The following DHX34 variants were observed in gnomAD, a reference collection of about 807,000 sequenced individuals.
The protein encoded by DHX34 is DExH-box helicase 34, also known as probable ATP-dependent RNA helicase DHX34.
In DHX34, 96 loss-of-function variants were observed where a neutral mutation model predicts 111.1. That is an observed-to-expected ratio of 0.86 (90% CI 0.73 to 1.02). The LOEUF is 1.02. DHX34 is among the 50% of genes least tolerant of loss of function. The pLI is 0.00. For synonymous variants in DHX34, 688 were observed against 670.4 expected (o/e 1.03, Z -0.41); for missense variants, 1,560 against 1,579.9 (o/e 0.99, Z 0.21).
At chr19:47,363,713 G>C (rs1969702570) in intron 6 of DHX34, among the ~76,000 whole-genome samples, 1 of 151,814 alleles carries the variant, frequency 6.6e-6, no homozygotes, top group Non-Finnish European at 1.5e-5. Flanking sequence ...GGCTATTTGG[G>C]AGGCTGAGGC....
At chr19:47,379,077 C>G (rs776223652) in intron 13 of DHX34, among the ~76,000 whole-genome samples, 1 of 151,580 alleles carries the variant, frequency 6.6e-6, no homozygotes, top group Non-Finnish European at 1.5e-5. Flanking sequence ...TGCAGTGAGC[C>G]AAGATTGCGC....
At chr19:47,379,460 C>G (rs935836828) in intron 13 of DHX34, 1 of 310,074 alleles carries the variant, frequency 3.2e-6, no homozygotes, top group African/African-American at 2.3e-5. Flanking sequence ...ATGCAGCTGT[C>G]TCTCTCCCAG....
intron 6 of DHX34, among the ~76,000 whole-genome samples, chr19:47,365,173 T>TA (rs1030611688): frequency 2.6e-5 from 4 of 152,162 alleles, no homozygotes; most frequent in South Asian, 2.1e-4. Flanking sequence ...CTGGAGAATT[T>TA]AAAAAAACCC....
rs867847295 is a variant in DHX34, at chr19:47,362,581, G to A, written c.1481G>A (p.Arg494His). 1 of 1,613,422 alleles carries A rather than the reference G, an allele frequency of 6.2e-7. No individual in the cohort carries two copies. The highest frequency in any genetic ancestry group is 8.5e-7 in the Non-Finnish European group (1 of 1,179,782). Residue 494 changes from arginine to histidine, a missense_variant, in exon 6 of 17, where the codon CGC becomes CAC. Coordinates refer to ENST00000328771, the MANE Select transcript of DHX34 (RefSeq NM_014681.6). ...GAGCAGCGGAAGGGCCGGGCGGGCC[G>A]CACGGGCCCCGGAGTCTGCTTCCGC... The part of the protein sequence containing the change: ...SAEQRKGRAG[R>H]TGPGVCFRLY...
intron 13 of DHX34, among the ~76,000 whole-genome samples, chr19:47,377,816 A>AT (rs1204090822): frequency 6.6e-6 from 1 of 151,738 alleles, no homozygotes; most frequent in Non-Finnish European, 1.5e-5. Flanking sequence ...GAGGGAGAGG[A>AT]GGGTGCTGCC....
intron 3 of DHX34, among the ~76,000 whole-genome samples, chr19:47,356,063 T>C (rs1969449222): frequency 6.6e-6 from 1 of 152,156 alleles, no homozygotes; most frequent in African/African-American, 2.4e-5. Context: ...TAATTCCTTG[T>C]CGTGGGGGCT....
Position 47,375,998 on chromosome 19 carries a change from C to A in DHX34, c.2382C>A (p.Arg794=). ...AAASSAQDLS[R]EQLALLKLVL... is the part of the protein sequence containing the mutation. ...CCAGCTCAGCCCAGGACCTGAGCCG[C>A]GAGCAGCTGGCTCTGCTGAAGCTGG... Residue 794 remains arginine, a synonymous_variant, in exon 11 of 17, where the codon CGC becomes CGA. Transcript: ENST00000328771. 3.7e-6 allele frequency: 6 copies of A among 1,605,500 alleles called. No homozygotes were observed. Among genetic ancestry groups the A allele is most frequent in the Non-Finnish European group, 5.1e-6 (6 of 1,177,662 alleles).
intron 4 of DHX34, among the ~76,000 whole-genome samples, chr19:47,359,005 C>T (rs1969545077): frequency 6.6e-6 from 1 of 152,180 alleles, no homozygotes; most frequent in African/African-American, 2.4e-5. Context: ...AGCGATCCTC[C>T]CCTAGTGGGG....
intron 7 of DHX34, among the ~76,000 whole-genome samples, chr19:47,370,382 CTT>C (rs2122304396): frequency 6.6e-6 from 1 of 152,330 alleles, no homozygotes; most frequent in African/African-American, 2.4e-5. Flanking sequence ...GCACCCCTCT[CTT>C]GCGGGCTCAA....
chr19:47,372,644 G>A, intron 7 of DHX34, 86 bp from the exon 8 acceptor site: 2 of 1,286,016 alleles, frequency 1.6e-6, no homozygotes, highest in Non-Finnish European at 2.0e-6. Context: ...AGGAGGGCAG[G>A]CGGGAGGGCA....
chr19:47,379,473 C>T (rs1296969897), intron 13 of DHX34: 7 of 423,510 alleles, frequency 1.7e-5, no homozygotes, highest in East Asian at 3.2e-4. Flanking sequence ...TCTCCCAGCA[C>T]GCTCCCATCT....
Position 47,360,027 on chromosome 19 carries a change from G to GAC in DHX34, c.1333_1334dup (p.Ser446ProfsTer11), listed in dbSNP as rs1568396988. The GAC allele has an allele frequency of 6.2e-7, 1 of 1,613,908 alleles. No individual in the cohort carries two copies. Among genetic ancestry groups the GAC allele is most frequent in the African/African-American group, 1.3e-5 (1 of 74,876 alleles). ...GCATCCTCTCCACCAACATTGCTGAGACCTCAGTCACCATTGACGGGATCC... is the reference window on the plus strand; with the variant it reads ...GCATCCTCTCCACCAACATTGCTGAGACACCTCAGTCACCATTGACGGGATCC... On this transcript the variant is annotated frameshift_variant, in exon 5 of 17. Coordinates refer to ENST00000328771, the MANE Select transcript of DHX34 (RefSeq NM_014681.6). LOFTEE classifies it high-confidence loss of function.
chr19:47,376,984 C>T, intron 12 of DHX34, 116 bp from the exon 13 acceptor site: 1 of 1,563,480 alleles, frequency 6.4e-7, no homozygotes, highest in Non-Finnish European at 8.6e-7. Context: ...CCACCAAAGC[C>T]ATGCCGTAAG....
At chr19:47,381,404 C>CA in intron 16 of DHX34, 80 bp downstream of exon 16, 1 of 1,541,692 alleles carries the variant, frequency 6.5e-7, no homozygotes, top group South Asian at 1.2e-5. Context: ...TGCGTGTGAG[C>CA]ACTTGCTAGA....
rs1274028340 is a variant in DHX34, at chr19:47,358,060, C to T, written c.1212C>T (p.His404=). ...AGGCTGCCCAGACCTATGCCAGCCA[C>T]ACCCAGCGCTGGGTGGTACTGCCAC... is the stretch of plus-strand genomic sequence containing the variant. ...VLEAAQTYAS[H]TQRWVVLPLH... The change falls in exon 4 of 17, where the codon CAC becomes CAT. Residue 404 remains histidine (H), a synonymous_variant. Transcript: ENST00000328771. 6.8e-6 allele frequency: 11 copies of T among 1,613,296 alleles called. No homozygotes were observed. The highest frequency in any genetic ancestry group is 9.3e-6 in the Non-Finnish European group (11 of 1,179,924).
intron 7 of DHX34, among the ~76,000 whole-genome samples, chr19:47,368,639 TACACACACACACACACACAC>T (rs533434183): frequency 0.021 from 3,045 of 145,742 alleles, 44 homozygotes; most frequent in Middle Eastern, 0.043. Flanking sequence ...TGTATATATA[TACACACACACACACACACAC>T]ACATACACAC....
At chr19:47,380,014 C>A in intron 14 of DHX34, 29 bp downstream of exon 14, 1 of 1,551,216 alleles carries the variant, frequency 6.4e-7, no homozygotes, top group Non-Finnish European at 8.8e-7. Context: ...CCCGTGCCTC[C>A]CTATGGCCAG....
chr19:47,362,431 G>T (rs761458651), intron 5 of DHX34, 45 bp from the exon 6 acceptor site: 10 of 1,473,346 alleles, frequency 6.8e-6, no homozygotes, highest in African/African-American at 4.3e-5. Flanking sequence ...CCAGCTGCAC[G>T]TGGCTGCCAC....
intron 3 of DHX34, among the ~76,000 whole-genome samples, chr19:47,356,421 G>A (rs1250513857): frequency 6.6e-6 from 1 of 152,024 alleles, no homozygotes; most frequent in East Asian, 1.9e-4. Context: ...CACGAGGTCA[G>A]GAGCCCAAGA....
Sources: allele counts gnomAD v4.1 joint callset (sites outside exome capture counted in the v4.1 genomes callset), GRCh38; gene constraint gnomAD v4.1.1; transcripts MANE v1.5; gene names NCBI Gene and HGNC (gene_info 2026-07-23, HGNC 2026-07-21).